The following SLC25A43 variants were observed in gnomAD, a reference collection of about 807,000 sequenced individuals.
SLC25A43 encodes the protein solute carrier family 25 member 43.
SLC25A43 carries 10 observed loss-of-function variants against 22.8 expected under a neutral mutation model. The ratio of observed to expected loss-of-function variants is 0.44; its 90% CI spans 0.27 to 0.74. The LOEUF (loss-of-function observed/expected upper bound fraction) is 0.74. Ranked by LOEUF, SLC25A43 falls within the 30% of genes least tolerant of loss-of-function variation. The pLI, the probability that SLC25A43 is intolerant of heterozygous loss-of-function variation, is 0.17. For synonymous variants in SLC25A43, 106 were observed against 121.6 expected, an observed-to-expected ratio of 0.87 and a Z score of 0.84; for missense variants, 233 against 279.1, an observed-to-expected ratio of 0.83 and a Z score of 1.18.
intron 3 of SLC25A43, among the ~76,000 whole-genome samples, chrX:119,416,254 C>G (rs990994640): frequency 3.7e-5 from 4 of 108,616 alleles, no homozygotes; most frequent in Non-Finnish European, 3.8e-5. Flanking sequence ...GAGTCTCGCT[C>G]TGTCGCCCAT....
Position 119,399,429 on chromosome X carries a change from G to A in SLC25A43, c.26G>A (p.Arg9Gln). The A allele has an allele frequency of 9.8e-7, 1 of 1,024,208 alleles. No homozygotes were observed. Among genetic ancestry groups the A allele is most frequent in the Non-Finnish European group, 1.2e-6 (1 of 805,532 alleles). The allele number at this position is 1,024,208 out of a possible 1,213,427, so 84.4% of individuals were successfully genotyped here. Residue 9 changes from arginine (R) to glutamine (Q), a missense_variant, in exon 1 of 5, where the codon CGA becomes CAA. Arg to Gln is a conservative substitution (Grantham distance 43). Coordinates refer to ENST00000217909, the MANE Select transcript of SLC25A43 (RefSeq NM_145305.3). MATWRRDG[R>Q]LTGGQRLLCA... ...ATGGCTACGTGGAGGCGGGACGGCC[G>A]ACTGACAGGCGGCCAAAGGCTGCTG... is the stretch of plus-strand genomic sequence containing the variant.
chrX:119,417,487 C>T (rs947026918), intron 3 of SLC25A43, among the ~76,000 whole-genome samples: 3 of 109,046 alleles, frequency 2.8e-5, no homozygotes, highest in East Asian at 5.8e-4. Context: ...CTAAATGGGA[C>T]GGGTAAGGGT....
chrX:119,420,702 C>T (rs903931907), intron 3 of SLC25A43, among the ~76,000 whole-genome samples: 3 of 112,121 alleles, frequency 2.7e-5, no homozygotes, highest in African/African-American at 9.7e-5. Flanking sequence ...CCTTGTTGCA[C>T]AGAGGCCCTT....
intron 3 of SLC25A43, among the ~76,000 whole-genome samples, chrX:119,427,233 G>A (rs1228391084): frequency 9.0e-6 from 1 of 111,541 alleles, no homozygotes. Context: ...GCTGCACTTT[G>A]GGTCTCCCCA....
chrX:119,406,713 C>T lies in SLC25A43; in HGVS notation c.517+12C>T, dbSNP rs1054717254. ...CCTCACTGTTGTAGGTAAGATGGAC[C>T]TTTTCACCTTGTCCAAGAAAAGGCT... On this transcript the variant is annotated intron_variant, in intron 2 of 4. Transcript: ENST00000217909. 1 of 1,204,653 alleles carries T rather than the reference C, an allele frequency of 8.3e-7. No homozygotes were observed. Among genetic ancestry groups the T allele is most frequent in the African/African-American group, 1.7e-5 (1 of 57,611 alleles).
At chrX:119,410,058 T>C in intron 2 of SLC25A43, 132 bp from the exon 3 acceptor site, 1 of 677,112 alleles carries the variant, frequency 1.5e-6, no homozygotes, top group South Asian at 2.7e-5. Flanking sequence ...CTCATGCTCC[T>C]TGGGTTGGAG....
At chrX:119,424,608 G>A (rs1265124536) in intron 3 of SLC25A43, among the ~76,000 whole-genome samples, 1 of 112,247 alleles carries the variant, frequency 8.9e-6, no homozygotes, top group African/African-American at 3.2e-5. Flanking sequence ...GGAGTCCACA[G>A]CCTCAGTGCA....
intron 3 of SLC25A43, among the ~76,000 whole-genome samples, chrX:119,444,356 T>C (rs970822635): frequency 7.2e-5 from 8 of 111,870 alleles, no homozygotes; most frequent in African/African-American, 2.3e-4. Flanking sequence ...TTCATTGTCT[T>C]ATTTAATTTC....
chrX:119,446,554 A>G (rs2052670086), intron 3 of SLC25A43, among the ~76,000 whole-genome samples: 1 of 112,807 alleles, frequency 8.9e-6, no homozygotes, highest in Non-Finnish European at 1.9e-5. Context: ...ATGCCATTAC[A>G]TCTTAGTAAA....
chrX:119,409,522 T>C (rs1424629550), intron 2 of SLC25A43, among the ~76,000 whole-genome samples: 1 of 106,889 alleles, frequency 9.4e-6, no homozygotes, highest in African/African-American at 3.4e-5. Context: ...CCTTTTTTTT[T>C]TTTTTAATGA....
intron 3 of SLC25A43, among the ~76,000 whole-genome samples, chrX:119,410,654 G>A (rs1212087963): frequency 9.0e-6 from 1 of 111,230 alleles, no homozygotes; most frequent in Non-Finnish European, 1.9e-5. Context: ...TTGGGAGGGC[G>A]GAGGCGGGTG....
At chrX:119,449,051 A>T (rs921566165) in intron 3 of SLC25A43, among the ~76,000 whole-genome samples, 1 of 111,136 alleles carries the variant, frequency 9.0e-6, no homozygotes, top group African/African-American at 3.3e-5. Flanking sequence ...TTTATCCTAT[A>T]GGCGGTAAAA....
intron 3 of SLC25A43, among the ~76,000 whole-genome samples, chrX:119,444,329 T>C (rs1441213761): frequency 9.0e-6 from 1 of 111,722 alleles, no homozygotes; most frequent in Non-Finnish European, 1.9e-5. Context: ...TTGACACTTA[T>C]AATGTTGCTG....
At chrX:119,403,942 T>C (rs1488646880) in intron 1 of SLC25A43, among the ~76,000 whole-genome samples, 1 of 108,984 alleles carries the variant, frequency 9.2e-6, no homozygotes, top group African/African-American at 3.3e-5. Flanking sequence ...GTTAAGGGCT[T>C]GGTCCCCAAG....
intron 3 of SLC25A43, among the ~76,000 whole-genome samples, chrX:119,441,802 G>A (rs1431544217): frequency 1.8e-5 from 2 of 111,673 alleles, no homozygotes; most frequent in South Asian, 7.6e-4. Flanking sequence ...AAAAATCACT[G>A]TACGTGGCCA....
At chrX:119,421,942 G>A (rs2052457427) in intron 3 of SLC25A43, among the ~76,000 whole-genome samples, 1 of 111,699 alleles carries the variant, frequency 9.0e-6, no homozygotes, top group Admixed American at 9.5e-5. Context: ...TGAGACAAGA[G>A]TCTCGCTCTG....
At chrX:119,433,085 G>A (rs1187343751) in intron 3 of SLC25A43, among the ~76,000 whole-genome samples, 5 of 111,703 alleles carry the variant, frequency 4.5e-5, no homozygotes, top group Admixed American at 9.6e-5. Context: ...GCAACAGAGC[G>A]AAACTCCGTC....
chrX:119,410,690 A>T (rs2052342394), intron 3 of SLC25A43, among the ~76,000 whole-genome samples: 1 of 110,372 alleles, frequency 9.1e-6, no homozygotes. Flanking sequence ...GGAGTCCAAG[A>T]CCAGCCTGGC....
In SLC25A43 at chrX:119,452,899, T is replaced by C. The variant is rs778782049; in HGVS notation, c.860T>C (p.Phe287Ser). The change falls in exon 5 of 5, where the codon TTT (phenylalanine) becomes TCT (serine). Residue 287 changes from phenylalanine (F) to serine (S), a missense_variant. By Grantham distance (155) the Phe-to-Ser change is radical (BLOSUM62 -2). Coordinates refer to ENST00000217909, the MANE Select transcript of SLC25A43 (RefSeq NM_145305.3). Reference protein sequence around the residue: ...VPYFGIMFSTFEFCKRICLYQ... With the variant: ...VPYFGIMFSTSEFCKRICLYQ... ...TATTTTGGAATTATGTTTAGCACCT[T>C]TGAGTTCTGCAAGAGAATCTGTCTT... The C allele has an allele frequency of 3.3e-6, 4 of 1,211,577 alleles. No homozygotes were observed. The highest frequency in any genetic ancestry group is 4.5e-6 in the Non-Finnish European group (4 of 895,137).
Sources: gnomAD v4.1 joint callset for allele counts (sites outside exome capture counted in the v4.1 genomes callset) on GRCh38, gnomAD v4.1.1 for gene constraint, MANE v1.5 for transcripts, NCBI Gene and HGNC (gene_info 2026-07-23, HGNC 2026-07-21) for gene names.